SCN11A: variants seen among roughly 807,000 people sequenced by gnomAD.
SCN11A encodes the protein sodium channel protein type 11 subunit alpha.
A neutral mutation model predicts 162.2 loss-of-function variants in SCN11A; 122 were observed. The observed-to-expected ratio is 0.75, with a 90% confidence interval of 0.65 to 0.87. The LOEUF is 0.87. SCN11A is among the 40% of genes least tolerant of loss of function. The pLI is 0.00. For synonymous variants in SCN11A, 758 were observed against 751.5 expected (o/e 1.01, Z -0.14); for missense variants, 2,015 against 2,181.6 (o/e 0.92, Z 1.52).
At chr3:38,857,885 C>T (rs1483819271) in intron 28 of SCN11A, among the ~76,000 whole-genome samples, 2 of 152,042 alleles carry the variant, frequency 1.3e-5, no homozygotes, top group South Asian at 2.1e-4. Context: ...AATTTTGTAT[C>T]CAGTAAAACT....
At chr3:38,928,406 C>G (rs1304419862) in intron 7 of SCN11A, among the ~76,000 whole-genome samples, 1 of 152,020 alleles carries the variant, frequency 6.6e-6, no homozygotes, top group Admixed American at 6.5e-5. Flanking sequence ...AGGATTAGGA[C>G]AAATACCTAA....
chr3:38,898,171 G>A (rs1266918785), intron 17 of SCN11A, among the ~76,000 whole-genome samples: 2 of 152,224 alleles, frequency 1.3e-5, no homozygotes, highest in Admixed American at 1.3e-4. Context: ...CTGGGAGGCA[G>A]AGGTTGCAGT....
At position 38,894,716 on chromosome 3, in the gene SCN11A, G is replaced by T; in HGVS notation, c.2652C>A (p.Val884=). ...TCTCTGAGCCCCTTTTCATCTCCAT[G>T]ACCAGGGGAATGATGTCTTTGCTTT... ...AAQSKDIIPL[V]MEMKRGSETQ... The change falls in exon 19 of 30, where the codon GTC becomes GTA. Residue 884 remains valine, a synonymous_variant. Transcript: ENST00000302328. The T allele has an allele frequency of 6.2e-7, 1 of 1,614,076 alleles. No individual in the cohort carries two copies. Among genetic ancestry groups the T allele is most frequent in the Non-Finnish European group, 8.5e-7 (1 of 1,180,010 alleles).
At chr3:38,860,368 G>A (rs1414442813) in intron 28 of SCN11A, among the ~76,000 whole-genome samples, 2 of 152,048 alleles carry the variant, frequency 1.3e-5, no homozygotes. Context: ...TAGAGAAAGA[G>A]GGAATCCTCT....
intron 7 of SCN11A, among the ~76,000 whole-genome samples, chr3:38,943,037 T>C (rs917018764): frequency 1.3e-5 from 2 of 152,248 alleles, no homozygotes; most frequent in African/African-American, 4.8e-5. Flanking sequence ...AGCAACTTTA[T>C]TCATAATAGC....
intron 2 of SCN11A, among the ~76,000 whole-genome samples, chr3:38,982,106 G>A (rs1330878428): frequency 6.6e-6 from 1 of 152,192 alleles, no homozygotes; most frequent in Non-Finnish European, 1.5e-5. Context: ...AGCCTCAGGT[G>A]TTCCAGTGAG....
At chr3:38,871,353 T>C in intron 25 of SCN11A, 92 bp downstream of exon 25, 1 of 1,250,412 alleles carries the variant, frequency 8.0e-7, no homozygotes, top group Non-Finnish European at 1.1e-6. Flanking sequence ...ATTATCACAA[T>C]GGAGTCACTG....
At chr3:38,912,727 T>C (rs1225276791) in intron 11 of SCN11A, among the ~76,000 whole-genome samples, 2 of 152,158 alleles carry the variant, frequency 1.3e-5, no homozygotes, top group Non-Finnish European at 2.9e-5. Flanking sequence ...GAACATGCAG[T>C]ATTTGGTTTT....
At chr3:39,004,921 T>A (rs1340681629) in intron 2 of SCN11A, among the ~76,000 whole-genome samples, 1 of 152,198 alleles carries the variant, frequency 6.6e-6, no homozygotes, top group South Asian at 2.1e-4. Context: ...AAGGGCTTTA[T>A]TCAGCTGGGA....
intron 7 of SCN11A, among the ~76,000 whole-genome samples, chr3:38,938,088 G>T (rs2066365875): frequency 6.6e-6 from 1 of 152,146 alleles, no homozygotes; most frequent in African/African-American, 2.4e-5. Context: ...TAGGGACATG[G>T]ATGAAATTGG....
At chr3:39,045,594 C>T (rs139406345) in intron 1 of SCN11A, among the ~76,000 whole-genome samples, 1 of 152,272 alleles carries the variant, frequency 6.6e-6, no homozygotes, top group East Asian at 1.9e-4. Flanking sequence ...AATTCAACAT[C>T]CTTTCATGAT....
intron 1 of SCN11A, among the ~76,000 whole-genome samples, chr3:39,043,726 C>CA (rs1240887718): frequency 2.0e-5 from 3 of 151,114 alleles, no homozygotes; most frequent in South Asian, 4.2e-4. Context: ...CTGATGAGTA[C>CA]AAAAAAAATT....
chr3:38,862,565 A>T (rs554612424), intron 28 of SCN11A, among the ~76,000 whole-genome samples: 1 of 152,194 alleles, frequency 6.6e-6, no homozygotes, highest in Non-Finnish European at 1.5e-5. Context: ...TCAGCCATAA[A>T]AAGGAATGAA....
chr3:38,891,017 G>A (rs1306826868), intron 19 of SCN11A, among the ~76,000 whole-genome samples: 1 of 151,962 alleles, frequency 6.6e-6, no homozygotes, highest in African/African-American at 2.4e-5. Context: ...CAAAAAACAA[G>A]AAAGTGTGAC....
At chr3:38,879,753 T>C (rs1214992272) in intron 23 of SCN11A, among the ~76,000 whole-genome samples, 197 bp downstream of exon 23, 1 of 152,198 alleles carries the variant, frequency 6.6e-6, no homozygotes, top group East Asian at 1.9e-4. Flanking sequence ...TAGTGTATGA[T>C]GAGCGGGACC....
chr3:38,848,755 T>A (rs1357366519), intron 29 of SCN11A, among the ~76,000 whole-genome samples: 1 of 152,176 alleles, frequency 6.6e-6, no homozygotes. Flanking sequence ...ACCATGTGAT[T>A]TGGTGTTCAA....
chr3:39,020,270 C>T (rs1474709856), intron 2 of SCN11A, among the ~76,000 whole-genome samples: 1 of 152,176 alleles, frequency 6.6e-6, no homozygotes, highest in Non-Finnish European at 1.5e-5. Flanking sequence ...TTTTGATACT[C>T]ACTGATACTT....
At chr3:38,913,950 A>C (rs2065922437) in intron 11 of SCN11A, among the ~76,000 whole-genome samples, 1 of 151,892 alleles carries the variant, frequency 6.6e-6, no homozygotes, top group Non-Finnish European at 1.5e-5. Flanking sequence ...TATACTTTTT[A>C]CTTAGGATTG....
chr3:38,888,534 A>C (rs2126111172), intron 19 of SCN11A, among the ~76,000 whole-genome samples: 1 of 152,376 alleles, frequency 6.6e-6, no homozygotes, highest in South Asian at 2.1e-4. Context: ...AAAGTTACAT[A>C]ATAATCTGAA....
Sources: allele counts gnomAD v4.1 joint callset (sites outside exome capture counted in the v4.1 genomes callset), GRCh38; gene constraint gnomAD v4.1.1; transcripts MANE v1.5; gene names NCBI Gene and HGNC (gene_info 2026-07-23, HGNC 2026-07-21).